Variants in AGBL4 observed in about 807,000 individuals in gnomAD.
The protein encoded by AGBL4 is cytosolic carboxypeptidase 6.
A neutral mutation model predicts 66.4 loss-of-function variants in AGBL4; 58 were observed. The ratio of observed to expected loss-of-function variants is 0.87; its 90% CI spans 0.71 to 1.09. The LOEUF (loss-of-function observed/expected upper bound fraction) is 1.09. AGBL4 is among the 50% of genes least tolerant of loss of function. The pLI is 0.00. For synonymous variants in AGBL4, 234 were observed against 222.9 expected, an observed-to-expected ratio of 1.05 and a Z score of -0.44; for missense variants, 579 against 631.0, an observed-to-expected ratio of 0.92 and a Z score of 0.88.
chr1:48,998,442 T>G lies in AGBL4; in HGVS notation c.594+47142A>C, dbSNP rs1384946030. Among the ~76,000 whole-genome samples the G allele has an allele frequency of 2.0e-5, 3 of 152,196 alleles. No individual in the cohort carries two copies. In the East Asian group the frequency reaches 5.8e-4, roughly 29 times the overall value. ...ATGACCCCTAAATTTCTTCTCCTCC[T>G]TTTCTGGGCATGTCTAAACCACATT... On this transcript the variant is annotated intron_variant, in intron 5 of 13. Coordinates refer to ENST00000371839, the MANE Select transcript of AGBL4 (RefSeq NM_032785.4).
intron 3 of AGBL4, among the ~76,000 whole-genome samples, chr1:49,645,831 A>G (rs1446663408): frequency 6.6e-6 from 1 of 151,552 alleles, no homozygotes; most frequent in East Asian, 1.9e-4. Flanking sequence ...GATATTAAAT[A>G]ATGGCTAAGT....
At chr1:49,422,038 T>C (rs1229404020) in intron 3 of AGBL4, among the ~76,000 whole-genome samples, 4 of 152,214 alleles carry the variant, frequency 2.6e-5, no homozygotes, top group African/African-American at 9.7e-5. Context: ...ACTTTATTTC[T>C]TCCTAAGAGA....
chr1:48,652,319 T>A (rs1404752414), intron 8 of AGBL4, among the ~76,000 whole-genome samples: 2 of 152,184 alleles, frequency 1.3e-5, no homozygotes, highest in Non-Finnish European at 2.9e-5. Flanking sequence ...ATAAGGAACA[T>A]GAACTGAGTT....
At chr1:49,322,341 A>G (rs897339227) in intron 3 of AGBL4, among the ~76,000 whole-genome samples, 2 of 152,256 alleles carry the variant, frequency 1.3e-5, no homozygotes, top group Non-Finnish European at 2.9e-5. Context: ...GAAAATGGAC[A>G]GGAAGGTAAC....
At chr1:48,582,052 C>T (rs2148332813) in intron 11 of AGBL4, among the ~76,000 whole-genome samples, 1 of 152,330 alleles carries the variant, frequency 6.6e-6, no homozygotes, top group Admixed American at 6.5e-5. Context: ...TTACTCACAG[C>T]TTTGCATACA....
intron 1 of AGBL4, among the ~76,000 whole-genome samples, chr1:49,939,510 G>T (rs1186421670): frequency 7.3e-5 from 11 of 151,610 alleles, no homozygotes; most frequent in Non-Finnish European, 1.2e-4. Flanking sequence ...CAGAGATATA[G>T]ATCAATGGAA....
intron 3 of AGBL4, among the ~76,000 whole-genome samples, chr1:49,687,547 G>A (rs1001324056): frequency 6.6e-6 from 1 of 151,988 alleles, no homozygotes; most frequent in Non-Finnish European, 1.5e-5. Flanking sequence ...CGAGGGGGAC[G>A]GATCACTTGA....
intron 6 of AGBL4, among the ~76,000 whole-genome samples, chr1:48,723,202 AGTGGAAACATTCT>A (rs1300230758): frequency 1.2e-4 from 18 of 152,176 alleles, no homozygotes; most frequent in African/African-American, 4.3e-4. Flanking sequence ...AAGGGCTGTG[AGTGGAAACATTCT>A]GTGTGGCTTG....
intron 2 of AGBL4, among the ~76,000 whole-genome samples, chr1:49,765,490 G>T (rs1652667821): frequency 6.6e-6 from 1 of 151,994 alleles, no homozygotes; most frequent in African/African-American, 2.4e-5. Flanking sequence ...AATTAGAATT[G>T]CTAACCTCTC....
At chr1:49,718,731 T>C (rs1648357730) in intron 2 of AGBL4, among the ~76,000 whole-genome samples, 1 of 152,100 alleles carries the variant, frequency 6.6e-6, no homozygotes, top group Non-Finnish European at 1.5e-5. Context: ...ATAATGAGGG[T>C]ATCTGCTTTT....
chr1:49,531,292 C>T (rs565277453), intron 3 of AGBL4, among the ~76,000 whole-genome samples: 1 of 152,092 alleles, frequency 6.6e-6, no homozygotes, highest in African/African-American at 2.4e-5. Context: ...TGTCAGTTTC[C>T]CTCTCTGGGT....
At chr1:48,652,160 C>G (rs1044039211) in intron 8 of AGBL4, among the ~76,000 whole-genome samples, 4 of 152,152 alleles carry the variant, frequency 2.6e-5, no homozygotes, top group African/African-American at 9.7e-5. Flanking sequence ...CATGACTGCA[C>G]AACTGCACTC....
chr1:49,286,571 GACAA>G (rs1644415493), intron 3 of AGBL4, among the ~76,000 whole-genome samples: 2 of 151,944 alleles, frequency 1.3e-5, no homozygotes, highest in South Asian at 4.1e-4. Flanking sequence ...ACCAATAACA[GACAA>G]ACAGAGAGCC....
chr1:49,928,106 T>C (rs889701079), intron 1 of AGBL4, among the ~76,000 whole-genome samples: 5 of 152,086 alleles, frequency 3.3e-5, no homozygotes, highest in Non-Finnish European at 5.9e-5. Context: ...ACATTGAACA[T>C]TGTAGAAGAA....
chr1:49,080,699 T>G (rs902250728), intron 4 of AGBL4, among the ~76,000 whole-genome samples: 3 of 152,214 alleles, frequency 2.0e-5, no homozygotes, highest in Admixed American at 6.5e-5. Context: ...TTAAATAAAC[T>G]AGAATTTGGA....
chr1:49,972,336 T>C (rs1373951860), intron 1 of AGBL4, among the ~76,000 whole-genome samples: 1 of 152,124 alleles, frequency 6.6e-6, no homozygotes, highest in African/African-American at 2.4e-5. Context: ...TTTCCACTTT[T>C]CATAGTCTCC....
intron 6 of AGBL4, among the ~76,000 whole-genome samples, chr1:48,685,516 G>T (rs185070396): frequency 6.6e-6 from 1 of 152,100 alleles, no homozygotes; most frequent in Non-Finnish European, 1.5e-5. Flanking sequence ...GTGGGCAGGC[G>T]GGTTAATCTT....
At chr1:49,645,545 C>G (rs1645868046) in intron 3 of AGBL4, among the ~76,000 whole-genome samples, 1 of 151,356 alleles carries the variant, frequency 6.6e-6, no homozygotes, top group Non-Finnish European at 1.5e-5. Flanking sequence ...CTGAATTCGT[C>G]ATTAAAAATC....
intron 2 of AGBL4, chr1:49,846,307 C>A (rs748722015): frequency 2.0e-6 from 3 of 1,526,292 alleles, no homozygotes; most frequent in Non-Finnish European, 2.7e-6. Context: ...GGAGGATCCA[C>A]ACAGGAGAGA....
Sources: allele counts gnomAD v4.1 joint callset (sites outside exome capture counted in the v4.1 genomes callset), GRCh38; gene constraint gnomAD v4.1.1; transcripts MANE v1.5; gene names NCBI Gene and HGNC (gene_info 2026-07-23, HGNC 2026-07-21).